TYW1B: variants seen among roughly 807,000 people sequenced by gnomAD.
TYW1B encodes the protein tRNA-yW synthesizing protein 1 homolog B.
In TYW1B, 73 loss-of-function variants were observed where a neutral mutation model predicts 86.9. The ratio of observed to expected loss-of-function variants is 0.84; its 90% CI spans 0.70 to 1.02. The LOEUF (loss-of-function observed/expected upper bound fraction) is 1.02, where lower values mean the gene tolerates loss of function less well. TYW1B is among the 50% of genes least tolerant of loss of function. The pLI, the probability that TYW1B is intolerant of heterozygous loss-of-function variation, is 0.00. For synonymous variants in TYW1B, 248 were observed against 292.8 expected (o/e 0.85, Z 1.56); for missense variants, 637 against 827.4 (o/e 0.77, Z 2.82).
At chr7:72,737,394 G>C (rs1194364070) in intron 8 of TYW1B, among the ~76,000 whole-genome samples, 2 of 152,124 alleles carry the variant, frequency 1.3e-5, no homozygotes, top group Admixed American at 6.6e-5. Flanking sequence ...CATACTGTTT[G>C]CTTTCCAAAA....
intron 4 of TYW1B, among the ~76,000 whole-genome samples, chr7:72,809,561 G>A (rs568892315): frequency 1.3e-5 from 2 of 152,100 alleles, no homozygotes; most frequent in South Asian, 4.1e-4. Context: ...GCTGACTTGG[G>A]AGGATCCCTT....
At chr7:72,740,824 G>A (rs1381657493) in intron 8 of TYW1B, among the ~76,000 whole-genome samples, 15 of 144,470 alleles carry the variant, frequency 1.0e-4, no homozygotes, top group East Asian at 2.2e-4. Flanking sequence ...TCCACCTCCC[G>A]AGCTCACGCC....
chr7:72,721,324 T>C (rs1215409890), intron 9 of TYW1B, among the ~76,000 whole-genome samples: 1 of 152,220 alleles, frequency 6.6e-6, no homozygotes, highest in Non-Finnish European at 1.5e-5. Flanking sequence ...ATCACTACAC[T>C]GTCTTCCACA....
chr7:72,809,720 C>T (rs1394736783), intron 4 of TYW1B, among the ~76,000 whole-genome samples: 1 of 151,948 alleles, frequency 6.6e-6, no homozygotes, highest in Non-Finnish European at 1.5e-5. Flanking sequence ...CTTGGGCAGG[C>T]TGGGCATGAT....
intron 11 of TYW1B, among the ~76,000 whole-genome samples, chr7:72,667,724 A>T (rs1244514606): frequency 6.6e-6 from 1 of 152,156 alleles, no homozygotes; most frequent in Non-Finnish European, 1.5e-5. Context: ...AAAAAACAAA[A>T]CAAAACAAAG....
intron 7 of TYW1B, among the ~76,000 whole-genome samples, chr7:72,760,890 A>G (rs1156538921): frequency 6.6e-6 from 1 of 152,216 alleles, no homozygotes; most frequent in African/African-American, 2.4e-5. Context: ...GTTTTGATAC[A>G]TAGGACTAAG....
intron 11 of TYW1B, among the ~76,000 whole-genome samples, chr7:72,666,460 T>C (rs1813464701): frequency 6.6e-6 from 1 of 151,864 alleles, no homozygotes; most frequent in South Asian, 2.1e-4. Context: ...ATAAAAATGA[T>C]AAGCTAAATA....
At chr7:72,785,529 T>G (rs2129572178) in intron 6 of TYW1B, among the ~76,000 whole-genome samples, 1 of 151,640 alleles carries the variant, frequency 6.6e-6, no homozygotes, top group Non-Finnish European at 1.5e-5. Flanking sequence ...TTAATCTACA[T>G]AAGAACTTTA....
At chr7:72,689,842 C>T (rs1198517895) in intron 11 of TYW1B, among the ~76,000 whole-genome samples, 2 of 152,172 alleles carry the variant, frequency 1.3e-5, no homozygotes, top group African/African-American at 4.8e-5. Flanking sequence ...TTTCCATAAG[C>T]AGCACATAAT....
intron 11 of TYW1B, among the ~76,000 whole-genome samples, chr7:72,657,993 C>T (rs1442865349): frequency 6.6e-6 from 1 of 152,156 alleles, no homozygotes; most frequent in African/African-American, 2.4e-5. Context: ...CGGTGGCTCG[C>T]ACCTGTAATC....
At chr7:72,612,819 G>C (rs777507868) in intron 13 of TYW1B, among the ~76,000 whole-genome samples, 4 of 151,528 alleles carry the variant, frequency 2.6e-5, no homozygotes, top group African/African-American at 7.3e-5. Flanking sequence ...GCATAATCAC[G>C]GGTCACTGCA....
chr7:72,594,430 C>T (rs1811478526), intron 13 of TYW1B, among the ~76,000 whole-genome samples: 1 of 149,872 alleles, frequency 6.7e-6, no homozygotes, highest in African/African-American at 2.5e-5. Flanking sequence ...TTCCTAGAAA[C>T]ATGAAATCTA....
At chr7:72,723,073 C>G in intron 9 of TYW1B, 1 of 984,994 alleles carries the variant, frequency 1.0e-6, no homozygotes, top group Non-Finnish European at 1.5e-6. Context: ...GGACAAGGAG[C>G]CTGGTTTGCC....
chr7:72,819,520 C>A (rs1554480067), intron 2 of TYW1B, among the ~76,000 whole-genome samples: 2 of 152,170 alleles, frequency 1.3e-5, no homozygotes, highest in South Asian at 2.1e-4. Flanking sequence ...GCAGCCTTGA[C>A]CTCCTGGGCT....
intron 7 of TYW1B, among the ~76,000 whole-genome samples, chr7:72,748,911 T>C (rs1478080979): frequency 6.6e-6 from 1 of 152,030 alleles, no homozygotes; most frequent in East Asian, 1.9e-4. Context: ...ATTATCTTTG[T>C]CAGGTTTTAT....
intron 7 of TYW1B, 130 bp from the exon 8 acceptor site, chr7:72,744,731 G>A (rs1335752959): frequency 1.2e-5 from 13 of 1,046,964 alleles, no homozygotes; most frequent in African/African-American, 9.5e-5. Context: ...TCTGCATGAC[G>A]CAGGAAATTC....
intron 11 of TYW1B, among the ~76,000 whole-genome samples, chr7:72,661,706 A>C (rs1554444487): frequency 6.6e-6 from 1 of 151,764 alleles, no homozygotes; most frequent in East Asian, 1.9e-4. Context: ...AAAGAGCTTA[A>C]TTCTTCAAAC....
intron 11 of TYW1B, among the ~76,000 whole-genome samples, chr7:72,684,345 A>G (rs1227661357): frequency 6.6e-6 from 1 of 152,124 alleles, no homozygotes; most frequent in Non-Finnish European, 1.5e-5. Flanking sequence ...GAGGGAAAAA[A>G]GCCTTATCTA....
chr7:72,813,324 C>T (rs1788659959), intron 3 of TYW1B, among the ~76,000 whole-genome samples: 1 of 152,026 alleles, frequency 6.6e-6, no homozygotes, highest in Admixed American at 6.6e-5. Flanking sequence ...TACAGGCACC[C>T]ACCACCAAGC....
Sources: allele counts gnomAD v4.1 joint callset (sites outside exome capture counted in the v4.1 genomes callset), GRCh38; gene constraint gnomAD v4.1.1; transcripts MANE v1.5; gene names NCBI Gene and HGNC (gene_info 2026-07-23, HGNC 2026-07-21).